The following ZNF804A variants were observed in gnomAD, a reference collection of about 807,000 sequenced individuals.
The protein encoded by ZNF804A is zinc finger protein 804A.
ZNF804A carries 2 observed loss-of-function variants against 16.5 expected under a neutral mutation model. The ratio of observed to expected loss-of-function variants is 0.12; its 90% CI spans 0.05 to 0.38. The LOEUF (loss-of-function observed/expected upper bound fraction) is 0.38. ZNF804A is among the 10% of genes least tolerant of loss of function. The probability of loss-of-function intolerance (pLI) is 0.99; values close to 1 mark genes in which losing one functional copy is unlikely to be tolerated. For missense variants in ZNF804A, 1,473 were observed against 1,390.7 expected, an observed-to-expected ratio of 1.06 and a Z score of -0.94; for synonymous variants, 534 against 489.6, an observed-to-expected ratio of 1.09 and a Z score of -1.20.
chr2:184,801,326 T>G (rs1362231573), intron 1 of ZNF804A, among the ~76,000 whole-genome samples: 1 of 152,184 alleles, frequency 6.6e-6, no homozygotes, highest in Non-Finnish European at 1.5e-5. Flanking sequence ...TATCTGAGAT[T>G]TGTTATCTGT....
intron 1 of ZNF804A, among the ~76,000 whole-genome samples, chr2:184,800,476 T>C (rs1694706623): frequency 6.6e-6 from 1 of 151,678 alleles, no homozygotes. Flanking sequence ...CCACATTAAG[T>C]TGCATTTTCT....
At chr2:184,620,270 CAAAT>C (rs933896203) in intron 1 of ZNF804A, among the ~76,000 whole-genome samples, 6 of 151,256 alleles carry the variant, frequency 4.0e-5, no homozygotes, top group Admixed American at 2.6e-4. Context: ...TCAAAAGAAA[CAAAT>C]AGTGTGACAA....
chr2:184,643,034 G>C (rs994706455), intron 1 of ZNF804A, among the ~76,000 whole-genome samples: 3 of 151,970 alleles, frequency 2.0e-5, no homozygotes, highest in African/African-American at 4.8e-5. Context: ...TTTATCTAGA[G>C]TGGTAAAAAT....
chr2:184,623,273 TA>T (rs1559110806), intron 1 of ZNF804A, among the ~76,000 whole-genome samples: 3 of 152,020 alleles, frequency 2.0e-5, no homozygotes, highest in Admixed American at 6.6e-5. Context: ...ATAAATTTAC[TA>T]AAAAATAAAA....
chr2:184,898,056 A>T (rs1236680715), intron 2 of ZNF804A, among the ~76,000 whole-genome samples: 1 of 152,162 alleles, frequency 6.6e-6, no homozygotes, highest in Non-Finnish European at 1.5e-5. Flanking sequence ...TAAAGAGTTC[A>T]TTGTATATTT....
At position 184,937,786 on chromosome 2, in the gene ZNF804A, G is replaced by A; in HGVS notation, c.2390G>A (p.Arg797Lys). The A allele has an allele frequency of 6.2e-7, 1 of 1,613,866 alleles. No individual in the cohort carries two copies. ...RQNHLPEEFL[R>K]PPSTSVAPCK... The stretch of plus-strand genomic sequence containing the variant: ...AATCATTTACCAGAAGAATTTTTGA[G>A]GCCACCAAGTACTTCAGTTGCTCCC... The change falls in exon 4 of 4, where the codon AGG (arginine) becomes AAG (lysine). Residue 797 changes from arginine (R) to lysine (K), a missense_variant. Physicochemically the swap from Arg to Lys is conservative, Grantham distance 26. Coordinates refer to ENST00000302277, the MANE Select transcript of ZNF804A (RefSeq NM_194250.2).
intron 1 of ZNF804A, among the ~76,000 whole-genome samples, chr2:184,607,955 T>TTTG (rs1691176848): frequency 7.5e-6 from 1 of 132,454 alleles, no homozygotes; most frequent in African/African-American, 2.8e-5. Context: ...TTTTTTTTTT[T>TTTG]TTTTTTTTGA....
chr2:184,696,021 A>G (rs1295302626), intron 1 of ZNF804A, among the ~76,000 whole-genome samples: 1 of 152,172 alleles, frequency 6.6e-6, no homozygotes, highest in African/African-American at 2.4e-5. Flanking sequence ...TTACATTATA[A>G]TATCCATTGC....
intron 1 of ZNF804A, among the ~76,000 whole-genome samples, chr2:184,639,042 C>T (rs1256397853): frequency 6.7e-6 from 1 of 149,094 alleles, no homozygotes; most frequent in Non-Finnish European, 1.5e-5. Context: ...TTACTTCATG[C>T]ATCATCTTCT....
intron 1 of ZNF804A, among the ~76,000 whole-genome samples, chr2:184,790,164 T>G (rs927993436): frequency 6.6e-6 from 1 of 152,108 alleles, no homozygotes; most frequent in African/African-American, 2.4e-5. Flanking sequence ...ATTTTTAACT[T>G]TATTCCACTG....
chr2:184,614,229 A>G (rs564383296), intron 1 of ZNF804A, among the ~76,000 whole-genome samples: 1 of 152,234 alleles, frequency 6.6e-6, no homozygotes, highest in African/African-American at 2.4e-5. Flanking sequence ...CTGGCTAGCC[A>G]TAGGCAGAAA....
chr2:184,640,534 CA>C (rs1250748932), intron 1 of ZNF804A, among the ~76,000 whole-genome samples: 1 of 151,844 alleles, frequency 6.6e-6, no homozygotes, highest in Non-Finnish European at 1.5e-5. Context: ...AAACACCAGA[CA>C]AAAAACATTA....
At chr2:184,831,727 G>A (rs1225751930) in intron 1 of ZNF804A, among the ~76,000 whole-genome samples, 1 of 147,512 alleles carries the variant, frequency 6.8e-6, no homozygotes, top group Non-Finnish European at 1.5e-5. Flanking sequence ...ATGTGATGTT[G>A]GCCTCACTTA....
intron 2 of ZNF804A, among the ~76,000 whole-genome samples, chr2:184,903,706 ATCACT>A (rs1321822397): frequency 1.3e-5 from 2 of 152,044 alleles, no homozygotes; most frequent in Admixed American, 1.3e-4. Context: ...TTCTTTTTTA[ATCACT>A]TCACTGAGGT....
chr2:184,927,239 G>A (rs1210728295), intron 2 of ZNF804A, among the ~76,000 whole-genome samples: 1 of 152,242 alleles, frequency 6.6e-6, no homozygotes, highest in East Asian at 1.9e-4. Flanking sequence ...TGTGGCTCTT[G>A]TAGATTCAGA....
intron 1 of ZNF804A, among the ~76,000 whole-genome samples, chr2:184,761,505 C>T (rs996974630): frequency 2.0e-5 from 3 of 151,934 alleles, no homozygotes; most frequent in African/African-American, 4.8e-5. Context: ...AAGGCAATAG[C>T]GGGAATATAA....
chr2:184,636,374 C>T (rs1691696336), intron 1 of ZNF804A, among the ~76,000 whole-genome samples: 1 of 146,200 alleles, frequency 6.8e-6, no homozygotes, highest in Non-Finnish European at 1.5e-5. Context: ...TTCTGTCTCT[C>T]AACTAGGTGC....
chr2:184,783,894 T>A (rs774134616), intron 1 of ZNF804A, among the ~76,000 whole-genome samples: 1 of 152,038 alleles, frequency 6.6e-6, no homozygotes, highest in Non-Finnish European at 1.5e-5. Flanking sequence ...TAAAACAGGC[T>A]CATTCTTCGG....
chr2:184,888,399 G>A (rs200231109), intron 2 of ZNF804A, among the ~76,000 whole-genome samples: 1 of 152,080 alleles, frequency 6.6e-6, no homozygotes, highest in Non-Finnish European at 1.5e-5. Context: ...TGTGGCTATT[G>A]AAAAGCACAT....
Sources: gnomAD v4.1 joint callset for allele counts (sites outside exome capture counted in the v4.1 genomes callset) on GRCh38, gnomAD v4.1.1 for gene constraint, MANE v1.5 for transcripts, NCBI Gene and HGNC (gene_info 2026-07-23, HGNC 2026-07-21) for gene names.